The following ZC3H12B variants were observed in gnomAD, a reference collection of about 807,000 sequenced individuals.
ZC3H12B encodes the protein probable ribonuclease ZC3H12B.
ZC3H12B carries 7 observed loss-of-function variants against 43.9 expected under a neutral mutation model. The ratio of observed to expected loss-of-function variants is 0.16; its 90% CI spans 0.09 to 0.30. ZC3H12B has a LOEUF of 0.30. Among genes scored for constraint, ZC3H12B ranks in the 10% least tolerant of loss-of-function variants. The pLI, the probability that ZC3H12B is intolerant of heterozygous loss-of-function variation, is 1.00. For synonymous variants in ZC3H12B, 222 were observed against 241.7 expected (o/e 0.92, Z 0.76); for missense variants, 475 against 670.2 (o/e 0.71, Z 3.22).
At chrX:65,139,556 T>C in the ZC3H12B span, among the ~76,000 whole-genome samples, 7 of 111,709 alleles carry the variant, frequency 6.3e-5, no homozygotes. Flanking sequence ...AACATTCGTT[T>C]GGGTGTTGGC....
chrX:65,264,722 T>G, the ZC3H12B span, among the ~76,000 whole-genome samples: 1 of 111,436 alleles, frequency 9.0e-6, no homozygotes, highest in Non-Finnish European at 1.9e-5. Context: ...AGGTCATACA[T>G]GATTAAATAG....
At chrX:65,136,176 GC>G in the ZC3H12B span, among the ~76,000 whole-genome samples, 5 of 111,173 alleles carry the variant, frequency 4.5e-5, no homozygotes, top group Non-Finnish European at 9.4e-5. Flanking sequence ...TTTTAAACTG[GC>G]CTTCACTGAT....
the ZC3H12B span, among the ~76,000 whole-genome samples, chrX:65,189,512 C>T: frequency 9.2e-6 from 1 of 108,822 alleles, no homozygotes; most frequent in Non-Finnish European, 1.9e-5. Flanking sequence ...GATGGTATCT[C>T]ATAGTGGTTT....
chrX:65,219,323 C>T, the ZC3H12B span, among the ~76,000 whole-genome samples: 1 of 111,003 alleles, frequency 9.0e-6, no homozygotes, highest in East Asian at 2.8e-4. Context: ...AACCGAATTG[C>T]CAAAAAAAGA....
At chrX:65,116,421 A>G in the ZC3H12B span, among the ~76,000 whole-genome samples, 1 of 111,270 alleles carries the variant, frequency 9.0e-6, no homozygotes, top group African/African-American at 3.3e-5. Flanking sequence ...CTATTTTTAT[A>G]CCAATACCAT....
At chrX:65,168,718 G>C in the ZC3H12B span, among the ~76,000 whole-genome samples, 1 of 111,152 alleles carries the variant, frequency 9.0e-6, no homozygotes, top group Admixed American at 9.6e-5. Context: ...CAATTTCAGA[G>C]CCTGTTACTG....
At chrX:65,267,332 A>G in the ZC3H12B span, among the ~76,000 whole-genome samples, 1 of 110,074 alleles carries the variant, frequency 9.1e-6, no homozygotes, top group Non-Finnish European at 1.9e-5. Context: ...CTTAGTTTAG[A>G]AAAGTCACTA....
chrX:65,092,513 G>A, the ZC3H12B span, among the ~76,000 whole-genome samples: 1 of 111,716 alleles, frequency 9.0e-6, no homozygotes. Context: ...GGTCTCACCT[G>A]GAAATGAGGA....
At chrX:65,133,012 G>C in the ZC3H12B span, among the ~76,000 whole-genome samples, 1 of 111,288 alleles carries the variant, frequency 9.0e-6, no homozygotes, top group Non-Finnish European at 1.9e-5. Context: ...TTCCAGTGGG[G>C]TCCTGTACAG....
At chrX:65,355,174 G>A in the ZC3H12B span, among the ~76,000 whole-genome samples, 154 of 111,159 alleles carry the variant, frequency 1.4e-3, 4 homozygotes, top group South Asian at 0.058. Context: ...ATTCACCAAG[G>A]TTGAAATGAA....
the ZC3H12B span, among the ~76,000 whole-genome samples, chrX:65,250,042 C>T: frequency 9.1e-6 from 1 of 110,337 alleles, no homozygotes; most frequent in African/African-American, 3.3e-5. Context: ...CATTCATTAT[C>T]TCATCATTTA....
chrX:65,128,116 C>T, the ZC3H12B span, among the ~76,000 whole-genome samples: 1 of 112,199 alleles, frequency 8.9e-6, no homozygotes, highest in South Asian at 3.7e-4. Context: ...CCACATGCTG[C>T]TTTGTCTATC....
the ZC3H12B span, among the ~76,000 whole-genome samples, chrX:65,167,633 C>A: frequency 8.9e-6 from 1 of 111,873 alleles, no homozygotes; most frequent in East Asian, 2.8e-4. Context: ...TTACCTTGGG[C>A]AGTACGGCTG....
chrX:65,270,232 A>G, the ZC3H12B span, among the ~76,000 whole-genome samples: 8 of 112,012 alleles, frequency 7.1e-5, no homozygotes, highest in South Asian at 3.0e-3. Context: ...AAATCCAAAC[A>G]CATATGATCA....
At chrX:65,141,958 T>C in the ZC3H12B span, among the ~76,000 whole-genome samples, 5 of 112,349 alleles carry the variant, frequency 4.5e-5, no homozygotes, top group Non-Finnish European at 9.4e-5. Context: ...TTGTGAATTG[T>C]GCTGCTATAA....
chrX:65,335,655 C>T, the ZC3H12B span, among the ~76,000 whole-genome samples: 4 of 111,667 alleles, frequency 3.6e-5, no homozygotes, highest in Admixed American at 1.9e-4. Context: ...GAAAAGAACC[C>T]GGGTACCATT....
At chrX:65,168,401 G>A in the ZC3H12B span, among the ~76,000 whole-genome samples, 1 of 111,550 alleles carries the variant, frequency 9.0e-6, no homozygotes, top group Admixed American at 9.6e-5. Flanking sequence ...TGATCATGGT[G>A]GATAAGCTTT....
intron 2 of ZC3H12B, among the ~76,000 whole-genome samples, chrX:65,375,087 G>A (rs1405555454): frequency 8.9e-6 from 1 of 111,868 alleles, no homozygotes; most frequent in Non-Finnish European, 1.9e-5. Flanking sequence ...AGCAGTAGAT[G>A]TGTGGTGTGA....
At chrX:65,321,826 G>A in the ZC3H12B span, among the ~76,000 whole-genome samples, 7 of 111,142 alleles carry the variant, frequency 6.3e-5, no homozygotes, top group Non-Finnish European at 1.3e-4. Context: ...TCACTTTTAA[G>A]TGGGAGCTAA....
Sources: allele counts gnomAD v4.1 joint callset (sites outside exome capture counted in the v4.1 genomes callset), GRCh38; gene constraint gnomAD v4.1.1; transcripts MANE v1.5; gene names NCBI Gene and HGNC (gene_info 2026-07-23, HGNC 2026-07-21).